Variants in CACNA2D2 observed in about 807,000 individuals in gnomAD.
CACNA2D2 encodes the protein voltage-dependent calcium channel subunit alpha-2/delta-2.
Under a neutral mutation model 166.4 loss-of-function variants are expected in CACNA2D2, and 48 were observed. The ratio of observed to expected loss-of-function variants is 0.29; its 90% CI spans 0.23 to 0.37. CACNA2D2 has a LOEUF of 0.37. CACNA2D2 is among the 10% of genes least tolerant of loss of function. CACNA2D2 has a pLI of 1.00. For missense variants in CACNA2D2, 1,122 were observed against 1,433.0 expected (o/e 0.78, Z 3.50); for synonymous variants, 561 against 573.7 (o/e 0.98, Z 0.32).
intron 3 of CACNA2D2, among the ~76,000 whole-genome samples, chr3:50,412,224 A>G (rs1178219863): frequency 1.3e-5 from 2 of 152,140 alleles, no homozygotes; most frequent in African/African-American, 4.8e-5. Context: ...GAATCAACCA[A>G]ATTAAGCTAT....
chr3:50,494,506 G>A (rs1329828948), intron 1 of CACNA2D2, among the ~76,000 whole-genome samples: 1 of 152,068 alleles, frequency 6.6e-6, no homozygotes, highest in Non-Finnish European at 1.5e-5. Context: ...TCCTTCCCAA[G>A]GGGACCCAGA....
chr3:50,491,518 C>G lies in CACNA2D2; in HGVS notation c.206+11700G>C, dbSNP rs540186156. 8.5e-5 allele frequency among the ~76,000 whole-genome samples: 13 copies of G among 152,308 alleles called. No individual in the cohort carries two copies. The South Asian group carries it at 2.3e-3, about 27-fold the overall frequency. ...CTCAAGTTGCTCTGCCCACGTACTG[C>G]TAGGCACAGCCCAGGGGGTGAGGTG... On this transcript the variant is annotated intron_variant, in intron 1 of 37. Coordinates refer to ENST00000424201, the MANE Select transcript of CACNA2D2 (RefSeq NM_006030.4).
intron 4 of CACNA2D2, among the ~76,000 whole-genome samples, chr3:50,388,139 G>T (rs1485184058): frequency 6.6e-6 from 1 of 152,220 alleles, no homozygotes; most frequent in African/African-American, 2.4e-5. Flanking sequence ...CCTGGCGCCT[G>T]CCTCCCAGCC....
chr3:50,441,959 C>T (rs1411037931), intron 2 of CACNA2D2, among the ~76,000 whole-genome samples: 1 of 152,228 alleles, frequency 6.6e-6, no homozygotes, highest in African/African-American at 2.4e-5. Context: ...CCCCCCACCA[C>T]AGGGACTATT....
rs1360891994 is a variant in CACNA2D2 at position 50,377,519 on chromosome 3, A to G, written c.1574T>C (p.Met525Thr). ...GTCATTCAGAGCCACGTCAATGCCC[A>G]TCACGCCCAGGATCAGCTGGTTCTG... ...EKKNQLILGV[M>T]GIDVALNDIK... The change falls in exon 17 of 38, where the codon ATG becomes ACG. Residue 525 changes from methionine to threonine, a missense_variant. By Grantham distance (81) the Met-to-Thr change is moderately conservative (BLOSUM62 -1). Coordinates refer to ENST00000424201, the MANE Select transcript of CACNA2D2 (RefSeq NM_006030.4). 6.2e-6 allele frequency: 10 copies of G among 1,613,234 alleles called. No individual in the cohort carries two copies. Among genetic ancestry groups the G allele is most frequent in the Non-Finnish European group, 8.5e-6 (10 of 1,179,994 alleles).
intron 2 of CACNA2D2, among the ~76,000 whole-genome samples, chr3:50,464,035 GGCAGGACA>G (rs2107023759): frequency 6.6e-6 from 1 of 152,324 alleles, no homozygotes; most frequent in South Asian, 2.1e-4. Flanking sequence ...CTCCTCAAAA[GGCAGGACA>G]GCAGGCCAGG....
intron 3 of CACNA2D2, among the ~76,000 whole-genome samples, chr3:50,432,606 A>G (rs1320753689): frequency 6.6e-6 from 1 of 152,198 alleles, no homozygotes; most frequent in Non-Finnish European, 1.5e-5. Context: ...ACTGGCTGAG[A>G]GAGGCGAGCG....
At chr3:50,461,371 A>G (rs1005584318) in intron 2 of CACNA2D2, among the ~76,000 whole-genome samples, 88 of 152,254 alleles carry the variant, frequency 5.8e-4, no homozygotes, top group African/African-American at 2.1e-3. Context: ...AGCGTTGGGG[A>G]GAAGGAAGGC....
intron 3 of CACNA2D2, among the ~76,000 whole-genome samples, chr3:50,424,315 T>G (rs1380414996): frequency 6.6e-6 from 1 of 152,154 alleles, no homozygotes; most frequent in Non-Finnish European, 1.5e-5. Flanking sequence ...GGTCCCTGGA[T>G]GGGGTCTCGG....
Position 50,477,831 on chromosome 3 carries a change from C to A in CACNA2D2, c.207-1632G>T, listed in dbSNP as rs763337385. ...TCCCAACTCCCTGGGCCTGCTGCCTCCTCCAGTGCCACTTGGGCCAGGACT... is the reference window on the plus strand; with the variant it reads ...TCCCAACTCCCTGGGCCTGCTGCCTACTCCAGTGCCACTTGGGCCAGGACT... On this transcript the variant is annotated intron_variant, in intron 1 of 37. Coordinates refer to ENST00000424201, the MANE Select transcript of CACNA2D2 (RefSeq NM_006030.4). Among the ~76,000 whole-genome samples the A allele has an allele frequency of 2.6e-5, 4 of 152,144 alleles. 1 individual carries two copies. Among genetic ancestry groups the A allele is most frequent in the Non-Finnish European group, 5.9e-5 (4 of 68,010 alleles).
intron 3 of CACNA2D2, among the ~76,000 whole-genome samples, chr3:50,413,010 G>A (rs1030585423): frequency 1.3e-5 from 2 of 152,338 alleles, no homozygotes; most frequent in East Asian, 1.9e-4. Context: ...CACCTGGCAC[G>A]AGGGTGGACC....
chr3:50,500,580 G>T (rs185521413), intron 1 of CACNA2D2, among the ~76,000 whole-genome samples: 1 of 152,134 alleles, frequency 6.6e-6, no homozygotes, highest in Admixed American at 6.5e-5. Flanking sequence ...GCCTGATGCT[G>T]GGGAGGGCAT....
intron 1 of CACNA2D2, among the ~76,000 whole-genome samples, chr3:50,476,446 T>C (rs1697770623): frequency 6.6e-6 from 1 of 152,224 alleles, no homozygotes; most frequent in Non-Finnish European, 1.5e-5. Context: ...GTGGATGTGC[T>C]GAGGGAGCTC....
At position 50,377,761 on chromosome 3, in the gene CACNA2D2, G is replaced by C. The variant is rs752490380; in HGVS notation, c.1522C>G (p.Leu508Val). Reference sequence around the variant, plus strand: ...TTTTCCCCAGGGCCATCCTGTGTCAGGTTGAAAACAGGGAGGGTCCCTGTT... The same window carrying C: ...TTTTCCCCAGGGCCATCCTGTGTCACGTTGAAAACAGGGAGGGTCCCTGTT... ...VVTGTLPVFNLTQDGPGEKKN... is the reference protein window; with the variant it reads ...VVTGTLPVFNVTQDGPGEKKN... Residue 508 changes from leucine to valine, a missense_variant, in exon 16 of 38, where the codon CTG becomes GTG. By Grantham distance (32) the Leu-to-Val change is conservative. Coordinates refer to ENST00000424201, the MANE Select transcript of CACNA2D2 (RefSeq NM_006030.4). 3 of 1,613,268 alleles carry C rather than the reference G, an allele frequency of 1.9e-6. No individual in the cohort carries two copies. The highest frequency in any genetic ancestry group is 1.1e-5 in the South Asian group (1 of 90,970).
At chr3:50,456,729 A>T (rs1709374171) in intron 2 of CACNA2D2, among the ~76,000 whole-genome samples, 1 of 152,228 alleles carries the variant, frequency 6.6e-6, no homozygotes, top group Non-Finnish European at 1.5e-5. Context: ...TGAACTAGGA[A>T]CACGGATAGT....
intron 1 of CACNA2D2, among the ~76,000 whole-genome samples, chr3:50,485,116 G>C (rs1318647574): frequency 1.3e-5 from 2 of 152,234 alleles, no homozygotes; most frequent in Non-Finnish European, 2.9e-5. Context: ...CTTCCAGGAA[G>C]CAGGAAGAAA....
At chr3:50,436,771 T>C (rs1423514013) in intron 2 of CACNA2D2, among the ~76,000 whole-genome samples, 3 of 152,214 alleles carry the variant, frequency 2.0e-5, no homozygotes, top group Non-Finnish European at 2.9e-5. Flanking sequence ...ATCTGTACAC[T>C]TGGGGCTGTC....
At chr3:50,398,626 C>T (rs931327111) in intron 3 of CACNA2D2, among the ~76,000 whole-genome samples, 5 of 152,150 alleles carry the variant, frequency 3.3e-5, no homozygotes, top group Admixed American at 1.3e-4. Context: ...CTATTTTCTT[C>T]AGCACATCCT....
intron 2 of CACNA2D2, among the ~76,000 whole-genome samples, chr3:50,438,109 G>A (rs1708431469): frequency 6.6e-6 from 1 of 152,206 alleles, no homozygotes; most frequent in Non-Finnish European, 1.5e-5. Flanking sequence ...ACTGGAGCCA[G>A]GTGGGGATGT....
Sources: gnomAD v4.1 joint callset for allele counts (sites outside exome capture counted in the v4.1 genomes callset) on GRCh38, gnomAD v4.1.1 for gene constraint, MANE v1.5 for transcripts, NCBI Gene and HGNC (gene_info 2026-07-23, HGNC 2026-07-21) for gene names.